STOML2: variants seen among roughly 807,000 people sequenced by gnomAD.
STOML2 encodes stomatin-like protein 2, mitochondrial.
STOML2 carries 22 observed loss-of-function variants against 45.7 expected under a neutral mutation model. The observed-to-expected ratio is 0.48, with a 90% confidence interval of 0.34 to 0.69. STOML2 has a LOEUF of 0.69. Ranked by LOEUF, STOML2 falls within the 30% of genes least tolerant of loss-of-function variation. The probability of loss-of-function intolerance (pLI) is 0.01; values close to 1 mark genes in which losing one functional copy is unlikely to be tolerated. For missense variants in STOML2, 359 were observed against 466.9 expected, an observed-to-expected ratio of 0.77 and a Z score of 2.13; for synonymous variants, 181 against 182.7, an observed-to-expected ratio of 0.99 and a Z score of 0.08.
chr9:35,101,802 C>T lies in STOML2; in HGVS notation c.352G>A (p.Gly118Ser), dbSNP rs764083315. 27 of 1,614,008 alleles carry T rather than the reference C, an allele frequency of 1.7e-5. No individual in the cohort carries two copies. Among genetic ancestry groups the T allele is most frequent in the Non-Finnish European group, 2.3e-5 (27 of 1,180,018 alleles). ...RIMDPYKASYGVEDPEYAVTQ... is the reference protein window; with the variant it reads ...RIMDPYKASYSVEDPEYAVTQ... ...ACGGCATACTCAGGGTCCTCCACACCGTAGCTTGCCTGAGATGGACACGGA... is the reference window on the plus strand; with the variant it reads ...ACGGCATACTCAGGGTCCTCCACACTGTAGCTTGCCTGAGATGGACACGGA... The change falls in exon 5 of 10, where the codon GGT becomes AGT. Residue 118 changes from glycine to serine, a missense_variant. Transcript: ENST00000356493. The surrounding 1 kb of genome is among the most constrained non-coding windows in gnomAD (Gnocchi z 4.3).
Position 35,103,101 on chromosome 9 carries a change from C to T in STOML2, c.-7G>A. The T allele has an allele frequency of 1.2e-6, 2 of 1,613,238 alleles. No homozygotes were observed. The highest frequency in any genetic ancestry group is 1.7e-6 in the Non-Finnish European group (2 of 1,179,934). On this transcript the variant is annotated 5_prime_UTR_variant, in exon 1 of 10. It adds an upstream start codon to the 5' untranslated region. Transcript: ENST00000356493. ...GCGCCGCGCGCGCCAGCATTTCCCACCGCCGCAGCGACCTCCGGAACCAAC... is the reference window on the plus strand; with the variant it reads ...GCGCCGCGCGCGCCAGCATTTCCCATCGCCGCAGCGACCTCCGGAACCAAC...
Position 35,100,913 on chromosome 9 carries a change from C to G in STOML2, c.804+19G>C. On this transcript the variant is annotated intron_variant, in intron 8 of 9. Coordinates refer to ENST00000356493, the MANE Select transcript of STOML2 (RefSeq NM_013442.3). ...CCACTGTCAATTCCTGTCCCCATTC[C>G]CACCCAGGGGCCTCTCACATGTTGT... is the stretch of plus-strand genomic sequence containing the variant. 2 of 1,614,180 alleles carry G rather than the reference C, an allele frequency of 1.2e-6. No homozygotes were observed. The highest frequency in any genetic ancestry group is 8.5e-7 in the Non-Finnish European group (1 of 1,180,014).
chr9:35,100,768 G>T, intron 8 of STOML2, 42 bp from the exon 9 acceptor site: 8 of 1,613,888 alleles, frequency 5.0e-6, no homozygotes, highest in Non-Finnish European at 6.8e-6. Context: ...CACCGATACG[G>T]AGAAGAAGGG....
Position 35,101,900 on chromosome 9 carries a change from G to C in STOML2, c.342+4C>G. The stretch of plus-strand genomic sequence containing the variant: ...AAAGGCTGGATAAAGTAGGGGACAG[G>C]TACCTTGTAAGGGTCCATGATGCGC... On this transcript the variant is annotated splice_donor_region_variant and intron_variant, in intron 4 of 9. Coordinates refer to ENST00000356493, the MANE Select transcript of STOML2 (RefSeq NM_013442.3). The surrounding 1 kb of genome is among the most constrained non-coding windows in gnomAD (Gnocchi z 4.3). 1 of 1,614,176 alleles carries C rather than the reference G, an allele frequency of 6.2e-7. No individual in the cohort carries two copies. The highest frequency in any genetic ancestry group is 8.5e-7 in the Non-Finnish European group (1 of 1,180,016).
rs1829811685 is a variant in STOML2 at position 35,101,333 on chromosome 9, T to C, written c.580-54A>G. ...AAGCCAAGGGAGACTGATACAGACA[T>C]GCAACTCTACCCATCATAACAGGAG... On this transcript the variant is annotated intron_variant, in intron 6 of 9. Coordinates refer to ENST00000356493, the MANE Select transcript of STOML2 (RefSeq NM_013442.3). This position sits in a 1 kb window ranked among gnomAD's most constrained non-coding sequence, Gnocchi z 4.3. 1 of 1,613,338 alleles carries C rather than the reference T, an allele frequency of 6.2e-7. No individual in the cohort carries two copies. The highest frequency in any genetic ancestry group is 2.2e-5 in the East Asian group (1 of 44,878).
chr9:35,100,920 G>A lies in STOML2; in HGVS notation c.804+12C>T, dbSNP rs1245953492. On this transcript the variant is annotated intron_variant, in intron 8 of 9. Coordinates refer to ENST00000356493, the MANE Select transcript of STOML2 (RefSeq NM_013442.3). ...CAATTCCTGTCCCCATTCCCACCCA[G>A]GGGCCTCTCACATGTTGTGTCAGAG... The A allele has an allele frequency of 1.2e-6, 2 of 1,614,106 alleles. No individual in the cohort carries two copies. Among genetic ancestry groups the A allele is most frequent in the Admixed American group, 3.3e-5 (2 of 60,008 alleles).
rs142081191 is a variant in STOML2, at chr9:35,099,922, C to T, written c.*113G>A. 1.2e-4 allele frequency: 169 copies of T among 1,359,904 alleles called. 1 individual carries two copies. Among genetic ancestry groups the T allele is most frequent in the African/African-American group, 6.8e-4 (47 of 69,352 alleles). The allele number at this position is 1,359,904 out of a possible 1,614,324, so 84.2% of individuals were successfully genotyped here. A position where few individuals can be genotyped will look rare whatever the true frequency, so the allele number is the denominator to read the frequency against. Reference sequence around the variant, plus strand: ...GTTTGCCACTGGTGAGTTTATTACACGACTAAAGTTCAAATAAAAAAATAA... The same window carrying T: ...GTTTGCCACTGGTGAGTTTATTACATGACTAAAGTTCAAATAAAAAAATAA... On this transcript the variant is annotated 3_prime_UTR_variant, in exon 10 of 10. Coordinates refer to ENST00000356493, the MANE Select transcript of STOML2 (RefSeq NM_013442.3).
intron 8 of STOML2, 60 bp downstream of exon 8, chr9:35,100,872 G>A (rs774631977): frequency 5.0e-6 from 8 of 1,613,014 alleles, no homozygotes; most frequent in Non-Finnish European, 2.5e-6. Context: ...CTCAAGCGTA[G>A]ATAAGAGAAC....
In STOML2 at chr9:35,100,276, G is replaced by C. The variant is rs568341453; in HGVS notation, c.934-104C>G. 1.3e-5 allele frequency: 19 copies of C among 1,462,994 alleles called. No homozygotes were observed. The South Asian group carries it at 2.1e-4, about 17-fold the overall frequency. The allele number at this position is 1,462,994 out of a possible 1,614,324, so 90.6% of individuals were successfully genotyped here. ...AAGATGGCATGGGGGCCAGTAAGTT[G>C]GTTTTCCTTTCTCCCTCTCTCAAAC... On this transcript the variant is annotated intron_variant, in intron 9 of 9. Coordinates refer to ENST00000356493, the MANE Select transcript of STOML2 (RefSeq NM_013442.3).
chr9:35,099,987 G>T lies in STOML2; in HGVS notation c.*48C>A. The T allele has an allele frequency of 6.3e-7, 1 of 1,581,976 alleles. No individual in the cohort carries two copies. The highest frequency in any genetic ancestry group is 1.1e-5 in the South Asian group (1 of 88,252). On this transcript the variant is annotated 3_prime_UTR_variant, in exon 10 of 10. Transcript: ENST00000356493. Reference sequence around the variant, plus strand: ...GCAGGGAAGCTAGAGCCAGAATCAGGAAAATCTGCTTCCTTGTTCCCAGAC... The same window carrying T: ...GCAGGGAAGCTAGAGCCAGAATCAGTAAAATCTGCTTCCTTGTTCCCAGAC...
chr9:35,100,158 A>G lies in STOML2; in HGVS notation c.948T>C (p.Tyr316=). The G allele has an allele frequency of 1.2e-6, 2 of 1,614,082 alleles. No homozygotes were observed. The highest frequency in any genetic ancestry group is 1.7e-6 in the Non-Finnish European group (2 of 1,180,004). ...GCACTGGGGCTTTGGTGAGGGCTCCATATACACCCATGGCCTGAGGAGAGG... is the reference window on the plus strand; with the variant it reads ...GCACTGGGGCTTTGGTGAGGGCTCCGTATACACCCATGGCCTGAGGAGAGG... ...TSMVAQAMGV[Y]GALTKAPVPG... is the part of the protein sequence containing the mutation. The change falls in exon 10 of 10, where the codon TAT becomes TAC. Residue 316 remains tyrosine (Y), a synonymous_variant. Transcript: ENST00000356493.
chr9:35,100,762 G>A (rs1271487395), intron 8 of STOML2, 36 bp from the exon 9 acceptor site: 10 of 1,613,772 alleles, frequency 6.2e-6, no homozygotes, highest in Middle Eastern at 1.6e-4. Context: ...AGAGATCACC[G>A]ATACGGAGAA....
intron 9 of STOML2, 86 bp downstream of exon 9, chr9:35,100,512 G>C: frequency 6.4e-7 from 1 of 1,574,448 alleles, no homozygotes; most frequent in Non-Finnish European, 8.7e-7. Flanking sequence ...AGACCTTTAT[G>C]GTATGTAAGT....
Position 35,100,716 on chromosome 9 carries a change from G to A in STOML2, c.815C>T (p.Ala272Val), listed in dbSNP as rs901606189. The A allele has an allele frequency of 1.2e-6, 2 of 1,614,108 alleles. No individual in the cohort carries two copies. Among genetic ancestry groups the A allele is most frequent in the Non-Finnish European group, 1.7e-6 (2 of 1,180,028 alleles). Residue 272 changes from alanine (A) to valine (V), a missense_variant, in exon 9 of 10, where the codon GCA becomes GTA. By Grantham distance (64) the Ala-to-Val change is moderately conservative. This residue lies in a region of STOML2 where 285 missense variants were observed against 422.0 expected (regional missense o/e 0.68). Transcript: ENST00000356493. ...AAALTQHNGD[A>V]AASLTVAEQY... Reference sequence around the variant, plus strand: ...CTCGGCCACAGTCAGTGAAGCTGCTGCATCTCCATTCTGTGATCACAGGGG... The same window carrying A: ...CTCGGCCACAGTCAGTGAAGCTGCTACATCTCCATTCTGTGATCACAGGGG...
chr9:35,100,606 C>T lies in STOML2; in HGVS notation c.925G>A (p.Val309Met), dbSNP rs1248932914. The T allele has an allele frequency of 6.2e-7, 1 of 1,613,774 alleles. No individual in the cohort carries two copies. The highest frequency in any genetic ancestry group is 8.5e-7 in the Non-Finnish European group (1 of 1,180,010). Residue 309 changes from valine to methionine, a missense_variant, in exon 9 of 10, where the codon GTG becomes ATG. This residue lies in a region of STOML2 where 285 missense variants were observed against 422.0 expected (regional missense o/e 0.68). Transcript: ENST00000356493. The stretch of plus-strand genomic sequence containing the variant: ...CCTCAGAGAGCTCTAACCTGAGCCA[C>T]CATGCTGGTGACATCGCCAGGGTTG... ...PSNPGDVTSM[V>M]AQAMGVYGAL... is the part of the protein sequence containing the mutation.
In STOML2 at chr9:35,102,960, C is replaced by A; in HGVS notation, c.45+90G>T. On this transcript the variant is annotated intron_variant, in intron 1 of 9. Coordinates refer to ENST00000356493, the MANE Select transcript of STOML2 (RefSeq NM_013442.3). The surrounding 1 kb of genome is among the most constrained non-coding windows in gnomAD (Gnocchi z 4.8). Reference sequence around the variant, plus strand: ...GGGGACCATGACCTCTGACCCCAGTCCTCTCCAAAAGTTGGAATTTCGCTC... The same window carrying A: ...GGGGACCATGACCTCTGACCCCAGTACTCTCCAAAAGTTGGAATTTCGCTC... The A allele has an allele frequency of 6.3e-7, 1 of 1,593,730 alleles. No individual in the cohort carries two copies. The highest frequency in any genetic ancestry group is 1.7e-5 in the Admixed American group (1 of 57,824).
intron 9 of STOML2, 25 bp from the exon 10 acceptor site, chr9:35,100,197 C>A: frequency 1.2e-6 from 2 of 1,611,444 alleles, no homozygotes; most frequent in Non-Finnish European, 1.7e-6. Context: ...AGAGAGAATA[C>A]CATGAGGACA....
chr9:35,100,310 T>C (rs1226465481), intron 9 of STOML2, 138 bp from the exon 10 acceptor site: 3 of 1,179,616 alleles, frequency 2.5e-6, no homozygotes, highest in Non-Finnish European at 3.6e-6. Flanking sequence ...ACCTGTCTTG[T>C]AAGCTCTGGA....
At chr9:35,100,857 C>A in intron 8 of STOML2, 75 bp downstream of exon 8, 1 of 1,612,084 alleles carries the variant, frequency 6.2e-7, no homozygotes, top group Non-Finnish European at 8.5e-7. Flanking sequence ...AGAGGCGGAA[C>A]TCTCCTCAAG....
Sources: gnomAD v4.1 joint callset for allele counts on GRCh38, gnomAD v4.1.1 for gene constraint, gnomAD v4.1.1 regional missense constraint, Gnocchi (gnomAD v3.1) non-coding constraint, MANE v1.5 for transcripts, NCBI Gene and HGNC (gene_info 2026-07-23, HGNC 2026-07-21) for gene names.